NFIA: variants seen among roughly 807,000 people sequenced by gnomAD.
The protein encoded by NFIA is nuclear factor I A.
Under a neutral mutation model 62.8 loss-of-function variants are expected in NFIA, and 8 were observed. The observed-to-expected ratio is 0.13, with a 90% CI of 0.07 to 0.23. The LOEUF is 0.23. Among genes scored for constraint, NFIA ranks in the 10% least tolerant of loss-of-function variants. The probability of loss-of-function intolerance (pLI) is 1.00; values close to 1 mark genes in which losing one functional copy is unlikely to be tolerated. For missense variants in NFIA, 410 were observed against 642.1 expected (o/e 0.64, Z 3.91); for synonymous variants, 235 against 238.1 (o/e 0.99, Z 0.12).
rs907688025 is a variant in NFIA, at chr1:61,353,760, A to G, written c.818+1193A>G. Among the ~76,000 whole-genome samples the G allele has an allele frequency of 4.6e-5, 7 of 152,200 alleles. No homozygotes were observed. The South Asian group carries it at 6.2e-4, about 13-fold the overall frequency. ...AGGTATTCCCTTAATATAACTATCA[A>G]ATCCTACCATCATCTTTCATGTTGT... On this transcript the variant is annotated intron_variant, in intron 5 of 10. Transcript: ENST00000403491.
chr1:61,345,592 A>ACAC (rs1356570846), intron 4 of NFIA, among the ~76,000 whole-genome samples: 1 of 152,036 alleles, frequency 6.6e-6, no homozygotes, highest in Admixed American at 6.6e-5. Context: ...GTGGCGGGTG[A>ACAC]GTGAGCATTG....
chr1:61,153,959 CA>C (rs1427516314), intron 2 of NFIA, among the ~76,000 whole-genome samples: 1 of 152,084 alleles, frequency 6.6e-6, no homozygotes, highest in African/African-American at 2.4e-5. Context: ...TCCCTTTAGT[CA>C]AGAGTACTTT....
chr1:61,083,963 C>T (rs1386463648), intron 1 of NFIA, among the ~76,000 whole-genome samples: 1 of 152,076 alleles, frequency 6.6e-6, no homozygotes, highest in African/African-American at 2.4e-5. Flanking sequence ...GACTTCAAAT[C>T]CGGTCCCCTT....
At chr1:61,187,185 A>G (rs1435729911) in intron 2 of NFIA, among the ~76,000 whole-genome samples, 7 of 152,230 alleles carry the variant, frequency 4.6e-5, no homozygotes, top group Admixed American at 3.3e-4. Flanking sequence ...GCATTTAACA[A>G]ATGTTCCCCG....
chr1:61,309,375 A>G (rs1659969902), intron 3 of NFIA, among the ~76,000 whole-genome samples: 1 of 151,998 alleles, frequency 6.6e-6, no homozygotes, highest in Non-Finnish European at 1.5e-5. Flanking sequence ...CCGATCCACA[A>G]ATGTATGCAT....
At position 61,456,850 on chromosome 1, in the gene NFIA, A is replaced by G. The variant is rs1309864728; in HGVS notation, c.*1530A>G. 1 of 151,648 alleles carries G rather than the reference A, an allele frequency of 6.6e-6. No individual in the cohort carries two copies. Among genetic ancestry groups the G allele is most frequent in the Non-Finnish European group, 1.5e-5 (1 of 67,900 alleles). 9.4% of individuals were successfully genotyped at this position (151,648 alleles called of 1,614,324 possible). On this transcript the variant is annotated 3_prime_UTR_variant, in exon 11 of 11. Coordinates refer to ENST00000403491, the MANE Select transcript of NFIA (RefSeq NM_001134673.4). ...AAAAACACAAAAAACCACAGAAACA[A>G]AAACAAAAAAAAGTGCAAGTGATTT... is the stretch of plus-strand genomic sequence containing the variant.
chr1:61,207,403 T>C (rs746813854), intron 2 of NFIA, among the ~76,000 whole-genome samples: 35 of 152,192 alleles, frequency 2.3e-4, no homozygotes, highest in Non-Finnish European at 4.3e-4. Context: ...CAGTTCATCT[T>C]TCTTCCTTTT....
Position 61,462,023 on chromosome 1 carries a change from GGT to G in NFIA, c.*6704_*6705del, listed in dbSNP as rs1668551346. 9.1e-6 allele frequency: 1 copy of G among 110,036 alleles called. No homozygotes were observed. The allele number at this position is 110,036 out of a possible 1,614,324, so 6.8% of individuals were successfully genotyped here. On this transcript the variant is annotated 3_prime_UTR_variant, in exon 11 of 11. Coordinates refer to ENST00000403491, the MANE Select transcript of NFIA (RefSeq NM_001134673.4). ...AATAGTCTGTAAGTTAGCCTTTTTGGGTTTTTTTTTTTTTTTTTTGGCTTTTT... is the reference window on the plus strand; with the variant it reads ...AATAGTCTGTAAGTTAGCCTTTTTGGTTTTTTTTTTTTTTTTTGGCTTTTT...
At chr1:61,300,226 A>G (rs921098670) in intron 3 of NFIA, among the ~76,000 whole-genome samples, 6 of 152,164 alleles carry the variant, frequency 3.9e-5, no homozygotes, top group African/African-American at 1.4e-4. Context: ...ATAGCTAACA[A>G]TTACACTCTA....
rs5774557 is a variant in NFIA, at chr1:61,417,265, T to TTGTGTG, written c.1421-9180_1421-9175dup. Among the ~76,000 whole-genome samples the TTGTGTG allele has an allele frequency of 3.0e-3, 420 of 139,186 alleles. 1 individual carries two copies. The highest frequency in any genetic ancestry group is 9.6e-3 in the African/African-American group (357 of 37,358). 91.3% of individuals were successfully genotyped at this position (139,186 alleles called of 152,430 possible). A position where few individuals can be genotyped will look rare whatever the true frequency, so the allele number is the denominator to read the frequency against. ...ACATTTTGGTTTTGTTTCCTCATCT[T>TTGTGTG]TGTGTGTGTGTGTGTGTGTGTGTGT... On this transcript the variant is annotated intron_variant, in intron 9 of 10. Coordinates refer to ENST00000403491, the MANE Select transcript of NFIA (RefSeq NM_001134673.4).
At chr1:61,402,223 A>T (rs1665601476) in intron 7 of NFIA, among the ~76,000 whole-genome samples, 1 of 151,648 alleles carries the variant, frequency 6.6e-6, no homozygotes, top group Non-Finnish European at 1.5e-5. Flanking sequence ...TATTTTTAGT[A>T]GAGATGGGGT....
At chr1:61,353,445 C>T (rs1437098301) in intron 5 of NFIA, among the ~76,000 whole-genome samples, 1 of 152,098 alleles carries the variant, frequency 6.6e-6, no homozygotes, top group Non-Finnish European at 1.5e-5. Context: ...GGCATTAAAC[C>T]CACAGTATTC....
chr1:61,114,367 G>A (rs1316957021), intron 2 of NFIA, among the ~76,000 whole-genome samples: 1 of 151,880 alleles, frequency 6.6e-6, no homozygotes, highest in Non-Finnish European at 1.5e-5. Flanking sequence ...GCCTTTGCCT[G>A]TAGTCCCAGC....
In NFIA at chr1:61,136,921, TAGTA is replaced by T. The variant is rs1448390845; in HGVS notation, c.559+48246_559+48249del. ...TTATAAGAATTTTAGAAAATTAAAA[TAGTA>T]AGTATAGAACACTTGGTACAATGCC... On this transcript the variant is annotated intron_variant, in intron 2 of 10. Coordinates refer to ENST00000403491, the MANE Select transcript of NFIA (RefSeq NM_001134673.4). Among the ~76,000 whole-genome samples the T allele has an allele frequency of 3.9e-5, 6 of 152,318 alleles. No homozygotes were observed. In the East Asian group the frequency reaches 9.6e-4, roughly 24 times the overall value.
At chr1:61,280,267 C>T (rs1383822641) in intron 3 of NFIA, among the ~76,000 whole-genome samples, 1 of 152,188 alleles carries the variant, frequency 6.6e-6, no homozygotes, top group Admixed American at 6.5e-5. Context: ...AATGTTTCCT[C>T]TTTTTCATTA....
At chr1:61,328,596 T>C (rs189339039) in intron 3 of NFIA, among the ~76,000 whole-genome samples, 1 of 151,966 alleles carries the variant, frequency 6.6e-6, no homozygotes, top group African/African-American at 2.4e-5. Flanking sequence ...TAATTTTGTA[T>C]TTTTAGTAGA....
chr1:61,224,420 G>T (rs1284134103), intron 2 of NFIA, among the ~76,000 whole-genome samples: 1 of 152,178 alleles, frequency 6.6e-6, no homozygotes, highest in African/African-American at 2.4e-5. Context: ...TGAGAACTTT[G>T]TTTAAACTAG....
intron 6 of NFIA, among the ~76,000 whole-genome samples, chr1:61,373,791 CT>C (rs929287244): frequency 1.3e-4 from 19 of 143,434 alleles, no homozygotes; most frequent in African/African-American, 4.8e-4. Context: ...ATATGTTTCG[CT>C]TTTGGAAGTT....
At chr1:61,206,606 A>T (rs942304747) in intron 2 of NFIA, among the ~76,000 whole-genome samples, 1 of 152,176 alleles carries the variant, frequency 6.6e-6, no homozygotes, top group East Asian at 1.9e-4. Context: ...CCTCAGACAC[A>T]TATTGCCTTC....
Sources: allele counts gnomAD v4.1 joint callset (sites outside exome capture counted in the v4.1 genomes callset), GRCh38; gene constraint gnomAD v4.1.1; transcripts MANE v1.5; gene names NCBI Gene and HGNC (gene_info 2026-07-23, HGNC 2026-07-21).